Variants in PPP1R13B observed in about 807,000 individuals in gnomAD.
PPP1R13B encodes the protein apoptosis-stimulating of p53 protein 1.
PPP1R13B carries 44 observed loss-of-function variants against 119.8 expected under a neutral mutation model. The observed-to-expected ratio is 0.37, with a 90% CI of 0.29 to 0.47. PPP1R13B has a LOEUF of 0.47. Among genes scored for constraint, PPP1R13B ranks in the 20% least tolerant of loss-of-function variants. The pLI is 0.99. For synonymous variants in PPP1R13B, 542 were observed against 561.5 expected (o/e 0.97, Z 0.49); for missense variants, 1,227 against 1,413.5 (o/e 0.87, Z 2.12).
At chr14:103,810,547 G>A (rs1230450499) in intron 1 of PPP1R13B, among the ~76,000 whole-genome samples, 2 of 152,222 alleles carry the variant, frequency 1.3e-5, no homozygotes, top group East Asian at 1.9e-4. Context: ...GCCAAGGCAG[G>A]CGGATCATGA....
intron 4 of PPP1R13B, among the ~76,000 whole-genome samples, chr14:103,767,085 G>C (rs1481960204): frequency 6.6e-6 from 1 of 152,182 alleles, no homozygotes; most frequent in Non-Finnish European, 1.5e-5. Context: ...GGGCTTTGGA[G>C]TGGAAGGATC....
rs2084229030 is a variant in PPP1R13B at position 103,740,508 on chromosome 14, T to C, written c.1908A>G (p.Pro636=). The C allele has an allele frequency of 8.1e-6, 13 of 1,605,878 alleles. No homozygotes were observed. Among genetic ancestry groups the C allele is most frequent in the African/African-American group, 8.0e-5 (6 of 74,732 alleles). ...FLHGSLSTGT[P]QPQPPSESTE... ...TACTTTCTGAAGGTGGCTGAGGCTGTGGTGTGCCCGTGGACAGTGACCCGT... is the reference window on the plus strand; with the variant it reads ...TACTTTCTGAAGGTGGCTGAGGCTGCGGTGTGCCCGTGGACAGTGACCCGT... Residue 636 remains proline (P), a synonymous_variant, in exon 12 of 17, where the codon CCA becomes CCG. Coordinates refer to ENST00000202556, the MANE Select transcript of PPP1R13B (RefSeq NM_015316.3). This position sits in a 1 kb window ranked among gnomAD's most constrained non-coding sequence, Gnocchi z 4.6.
chr14:103,748,126 C>T (rs550828447), intron 8 of PPP1R13B, among the ~76,000 whole-genome samples: 46 of 151,342 alleles, frequency 3.0e-4, no homozygotes, highest in East Asian at 5.8e-4. Flanking sequence ...TGCACGCGCA[C>T]GCTACTGGTT....
At chr14:103,818,393 T>G in intron 1 of PPP1R13B, 1 of 755,928 alleles carries the variant, frequency 1.3e-6, no homozygotes, top group Non-Finnish European at 1.6e-6. Flanking sequence ...AGTTTTCATA[T>G]TTCTATGACC....
intron 1 of PPP1R13B, among the ~76,000 whole-genome samples, chr14:103,826,657 G>T (rs551340897): frequency 6.6e-6 from 1 of 150,792 alleles, no homozygotes; most frequent in Non-Finnish European, 1.5e-5. Context: ...GCACAGTGGG[G>T]AAGACAGGAG....
At chr14:103,775,254 T>C (rs2085159378) in intron 4 of PPP1R13B, among the ~76,000 whole-genome samples, 1 of 150,436 alleles carries the variant, frequency 6.6e-6, no homozygotes, top group African/African-American at 2.5e-5. Flanking sequence ...TCTTCCTTTC[T>C]TTCTTTCACT....
intron 1 of PPP1R13B, among the ~76,000 whole-genome samples, chr14:103,839,285 T>G (rs2086848484): frequency 6.6e-6 from 1 of 152,028 alleles, no homozygotes; most frequent in East Asian, 2.0e-4. Context: ...GTGCTGGGAT[T>G]ACAGGCGTGA....
At chr14:103,807,329 A>G (rs2152054181) in intron 1 of PPP1R13B, among the ~76,000 whole-genome samples, 1 of 152,118 alleles carries the variant, frequency 6.6e-6, no homozygotes, top group East Asian at 1.9e-4. Flanking sequence ...TTAGCACTCA[A>G]CCACCACCTG....
intron 3 of PPP1R13B, among the ~76,000 whole-genome samples, chr14:103,780,373 G>C (rs1032901065): frequency 2.7e-5 from 4 of 148,848 alleles, no homozygotes; most frequent in African/African-American, 1.0e-4. Context: ...TGCGGTCCCA[G>C]CTACTTGGAA....
At chr14:103,743,550 C>T (rs866028251) in intron 9 of PPP1R13B, among the ~76,000 whole-genome samples, 1 of 152,244 alleles carries the variant, frequency 6.6e-6, no homozygotes, top group Non-Finnish European at 1.5e-5. Flanking sequence ...ATAACACAGG[C>T]TCCTGGTTCT....
At chr14:103,799,621 T>G (rs565063164) in intron 1 of PPP1R13B, among the ~76,000 whole-genome samples, 2 of 151,620 alleles carry the variant, frequency 1.3e-5, no homozygotes, top group East Asian at 1.9e-4. Context: ...TTTTTTGTTT[T>G]TTTTTTTTTT....
chr14:103,768,891 C>T (rs1323198521), intron 4 of PPP1R13B, among the ~76,000 whole-genome samples: 1 of 152,058 alleles, frequency 6.6e-6, no homozygotes, highest in East Asian at 1.9e-4. Flanking sequence ...TTAAACTGTA[C>T]ATGTTTTATA....
intron 1 of PPP1R13B, among the ~76,000 whole-genome samples, chr14:103,817,304 GA>G (rs1207853306): frequency 4.6e-5 from 7 of 151,848 alleles, no homozygotes; most frequent in Admixed American, 2.0e-4. Flanking sequence ...CTCCAGTGAA[GA>G]AAAAATTCAC....
At chr14:103,757,896 T>C in intron 4 of PPP1R13B, 145 bp from the exon 5 acceptor site, 1 of 547,904 alleles carries the variant, frequency 1.8e-6, no homozygotes, top group South Asian at 3.1e-5. Flanking sequence ...TGTAAGAACT[T>C]TTCCTAATTG....
At chr14:103,825,338 T>G (rs1193283516) in intron 1 of PPP1R13B, among the ~76,000 whole-genome samples, 1 of 152,162 alleles carries the variant, frequency 6.6e-6, no homozygotes, top group Non-Finnish European at 1.5e-5. Flanking sequence ...AAAGTGACCA[T>G]GTCTGTCACT....
chr14:103,784,643 G>GAAGCCA (rs2085414446), intron 3 of PPP1R13B, 152 bp downstream of exon 3: 1 of 318,340 alleles, frequency 3.1e-6, no homozygotes, highest in East Asian at 8.2e-5. Context: ...AACACTAACA[G>GAAGCCA]AAGCCAAAGT....
intron 1 of PPP1R13B, among the ~76,000 whole-genome samples, chr14:103,827,203 G>A (rs1237199917): frequency 6.6e-6 from 1 of 151,726 alleles, no homozygotes; most frequent in Non-Finnish European, 1.5e-5. Flanking sequence ...AGGTGTGGTG[G>A]CACGCACCTG....
chr14:103,794,780 C>T (rs2085718119), intron 2 of PPP1R13B: 7 of 279,270 alleles, frequency 2.5e-5, no homozygotes, highest in South Asian at 2.3e-4. Context: ...TCTCTTCTTC[C>T]TAGATCCAGC....
chr14:103,792,511 A>G (rs1352838155), intron 2 of PPP1R13B, among the ~76,000 whole-genome samples: 2 of 152,162 alleles, frequency 1.3e-5, no homozygotes, highest in Non-Finnish European at 2.9e-5. Context: ...AAGCTTCGCT[A>G]TATTTTTTTA....
Sources: allele counts gnomAD v4.1 joint callset (sites outside exome capture counted in the v4.1 genomes callset), GRCh38; gene constraint gnomAD v4.1.1; non-coding constraint Gnocchi (gnomAD v3.1); transcripts MANE v1.5; gene names NCBI Gene and HGNC (gene_info 2026-07-23, HGNC 2026-07-21).